PEDS1: variants seen among roughly 807,000 people sequenced by gnomAD.
PEDS1 encodes CarF homolog.
Under a neutral mutation model 35.2 loss-of-function variants are expected in PEDS1, and 14 were observed. The ratio of observed to expected loss-of-function variants is 0.40; its 90% confidence interval spans 0.26 to 0.62. PEDS1 has a LOEUF of 0.62. PEDS1 is among the 20% of genes least tolerant of loss of function. The pLI is 0.44. For synonymous variants in PEDS1, 152 were observed against 152.0 expected (o/e 1.00, Z 0.00); for missense variants, 260 against 367.8 (o/e 0.71, Z 2.40).
In PEDS1 at chr20:50,125,014, G is replaced by C; in HGVS notation, c.*44C>G. 6.2e-7 allele frequency: 1 copy of C among 1,606,176 alleles called. No individual in the cohort carries two copies. On this transcript the variant is annotated 3_prime_UTR_variant, in exon 6 of 6. Transcript: ENST00000371652. ...GGAATTTGGCAGATGGCTTCGGTTT[G>C]GGGGCTAGGGAAGGTTGGCAACCAG... is the stretch of plus-strand genomic sequence containing the variant.
chr20:50,132,099 G>C (rs992902444), intron 2 of PEDS1, among the ~76,000 whole-genome samples: 3 of 152,104 alleles, frequency 2.0e-5, no homozygotes, highest in Non-Finnish European at 4.4e-5. Context: ...AGCTACTCAG[G>C]AGGCTGAAGC....
In PEDS1 at chr20:50,128,251, T is replaced by C. The variant is rs1415203335; in HGVS notation, c.479-64A>G. The C allele has an allele frequency of 1.3e-6, 2 of 1,590,670 alleles. No homozygotes were observed. Among genetic ancestry groups the C allele is most frequent in the Admixed American group, 3.4e-5 (2 of 58,440 alleles). ...CTCGGGACGGGGAACCCACCCCAAA[T>C]GGCCCTCACCACCTGCTCCTGGGCG... On this transcript the variant is annotated intron_variant, in intron 4 of 5. Coordinates refer to ENST00000371652, the MANE Select transcript of PEDS1 (RefSeq NM_199129.4). The surrounding 1 kb of genome is among the most constrained non-coding windows in gnomAD (Gnocchi z 5.2).
chr20:50,122,635 G>T lies in PEDS1; in HGVS notation c.*2423C>A, dbSNP rs2081060849. The stretch of plus-strand genomic sequence containing the variant: ...CTGTGACTGCTCTGGAGTCCTTTAG[G>T]CATTTCCCTGTCCCCAACAGGCTTT... On this transcript the variant is annotated 3_prime_UTR_variant, in exon 6 of 6. Transcript: ENST00000371652. The T allele has an allele frequency of 6.6e-6, 1 of 152,124 alleles. No individual in the cohort carries two copies. The highest frequency in any genetic ancestry group is 2.1e-4 in the South Asian group (1 of 4,824). 9.4% of individuals were successfully genotyped at this position (152,124 alleles called of 1,614,324 possible). A position where few individuals can be genotyped will look rare whatever the true frequency, so the allele number is the denominator to read the frequency against.
At chr20:50,130,284 G>A (rs184846582) in intron 3 of PEDS1, among the ~76,000 whole-genome samples, 1 of 152,198 alleles carries the variant, frequency 6.6e-6, no homozygotes, top group Non-Finnish European at 1.5e-5. Flanking sequence ...CTCCTGGAAG[G>A]AGAAGGACAG....
rs955042425 is a variant in PEDS1 at position 50,121,138 on chromosome 20, G to C, written c.*3920C>G. Reference sequence around the variant, plus strand: ...ACAGTACGTTTTAAACACGGAGCCAGCATTTTTAAAGTTTAGATTTCTGGC... The same window carrying C: ...ACAGTACGTTTTAAACACGGAGCCACCATTTTTAAAGTTTAGATTTCTGGC... On this transcript the variant is annotated 3_prime_UTR_variant, in exon 6 of 6. Transcript: ENST00000371652. 1.3e-5 allele frequency: 2 copies of C among 152,286 alleles called. No homozygotes were observed. Among genetic ancestry groups the C allele is most frequent in the African/African-American group, 4.8e-5 (2 of 41,462 alleles). 9.4% of individuals were successfully genotyped at this position (152,286 alleles called of 1,614,324 possible).
In PEDS1 at chr20:50,125,544, T is replaced by TTATCTATC. The variant is rs57011944; in HGVS notation, c.692-373_692-366dup. ...CACCCCAGGTTTCTCACATTACCCTTTATCTATCTATCTATCTATCTATCT... is the reference window on the plus strand; with the variant it reads ...CACCCCAGGTTTCTCACATTACCCTTTATCTATCTATCTATCTATCTATCTATCTATCT... On this transcript the variant is annotated intron_variant, in intron 5 of 5. Transcript: ENST00000371652. Among the ~76,000 whole-genome samples the TTATCTATC allele has an allele frequency of 5.9e-3, 869 of 147,484 alleles. 3 individuals are homozygous for TTATCTATC. Among genetic ancestry groups the TTATCTATC allele is most frequent in the South Asian group, 7.1e-3 (32 of 4,496 alleles).
At chr20:50,130,821 C>G in intron 3 of PEDS1, 35 bp downstream of exon 3, 5 of 1,613,056 alleles carry the variant, frequency 3.1e-6, no homozygotes, top group Non-Finnish European at 4.2e-6. Flanking sequence ...AGCCCAACCT[C>G]CTTCTTGAGG....
chr20:50,153,280 G>A (rs778191681), intron 1 of PEDS1, among the ~76,000 whole-genome samples: 10 of 152,096 alleles, frequency 6.6e-5, no homozygotes, highest in Non-Finnish European at 1.3e-4. Context: ...CGCCCAGGGA[G>A]CTCATGGTAA....
In PEDS1 at chr20:50,124,149, C is replaced by T. The variant is rs554365738; in HGVS notation, c.*909G>A. On this transcript the variant is annotated 3_prime_UTR_variant, in exon 6 of 6. Transcript: ENST00000371652. ...CCCCCCACCCCACCCAGCCAGGAAA[C>T]ACCACGAGGCAGCCAAGGTTAAGTA... The T allele has an allele frequency of 1.3e-5, 2 of 152,766 alleles. No homozygotes were observed. The highest frequency in any genetic ancestry group is 4.1e-4 in the South Asian group (2 of 4,830). The allele number at this position is 152,766 out of a possible 1,614,324, so 9.5% of individuals were successfully genotyped here.
At chr20:50,138,661 C>A (rs116729453) in intron 2 of PEDS1, among the ~76,000 whole-genome samples, 2,681 of 152,330 alleles carry the variant, frequency 0.018, 71 homozygotes, top group African/African-American at 0.055. Flanking sequence ...CGTGATCTTG[C>A]GGCCTCTGCC....
chr20:50,124,917 G>C lies in PEDS1; in HGVS notation c.*141C>G. 1 of 1,109,974 alleles carries C rather than the reference G, an allele frequency of 9.0e-7. No individual in the cohort carries two copies. Among genetic ancestry groups the C allele is most frequent in the East Asian group, 2.4e-5 (1 of 41,756 alleles). The allele number at this position is 1,109,974 out of a possible 1,614,324, so 68.8% of individuals were successfully genotyped here. A position where few individuals can be genotyped will look rare whatever the true frequency, so the allele number is the denominator to read the frequency against. On this transcript the variant is annotated 3_prime_UTR_variant, in exon 6 of 6. Coordinates refer to ENST00000371652, the MANE Select transcript of PEDS1 (RefSeq NM_199129.4). Reference sequence around the variant, plus strand: ...TGGCTCAAGTATTCTGTGTCATGAGGGGTGGGCTGGGGTACCTGGGCCCAG... The same window carrying C: ...TGGCTCAAGTATTCTGTGTCATGAGCGGTGGGCTGGGGTACCTGGGCCCAG...
Position 50,121,855 on chromosome 20 carries a change from G to A in PEDS1, c.*3203C>T, listed in dbSNP as rs543190353. 1.3e-5 allele frequency: 2 copies of A among 152,280 alleles called. No homozygotes were observed. The highest frequency in any genetic ancestry group is 4.8e-5 in the African/African-American group (2 of 41,526). 9.4% of individuals were successfully genotyped at this position (152,280 alleles called of 1,614,324 possible). A position where few individuals can be genotyped will look rare whatever the true frequency, so the allele number is the denominator to read the frequency against. ...GGGGCCTGGAAACCAACACCACAGTGGTGAGGCTACTCCTATGGCCTCTAA... is the reference window on the plus strand; with the variant it reads ...GGGGCCTGGAAACCAACACCACAGTAGTGAGGCTACTCCTATGGCCTCTAA... On this transcript the variant is annotated 3_prime_UTR_variant, in exon 6 of 6. Transcript: ENST00000371652.
Position 50,153,699 on chromosome 20 carries a change from C to T in PEDS1, c.-62G>A, listed in dbSNP as rs928939577. On this transcript the variant is annotated 5_prime_UTR_variant, in exon 1 of 6. Transcript: ENST00000371652. ...CGGCGGCGGCGGCAGGGCCGCGGAA[C>T]CGCGGCGAGATCACGCCGCCCAATG... The T allele has an allele frequency of 3.8e-5, 45 of 1,177,286 alleles. No homozygotes were observed. Among genetic ancestry groups the T allele is most frequent in the East Asian group, 3.3e-4 (9 of 27,034 alleles). 72.9% of individuals were successfully genotyped at this position (1,177,286 alleles called of 1,614,324 possible). A position where few individuals can be genotyped will look rare whatever the true frequency, so the allele number is the denominator to read the frequency against.
intron 5 of PEDS1, among the ~76,000 whole-genome samples, chr20:50,125,582 A>ATCTATCTG (rs2081093302): frequency 7.5e-6 from 1 of 134,106 alleles, no homozygotes; most frequent in Admixed American, 7.5e-5. Flanking sequence ...CTATCTATCT[A>ATCTATCTG]TCTATCTATC....
chr20:50,142,830 C>T (rs2081307674), intron 2 of PEDS1, among the ~76,000 whole-genome samples: 1 of 151,868 alleles, frequency 6.6e-6, no homozygotes, highest in Non-Finnish European at 1.5e-5. Context: ...CTGGAGTGAG[C>T]CATGTAGGTG....
In PEDS1 at chr20:50,121,486, A is replaced by C. The variant is rs2081050510; in HGVS notation, c.*3572T>G. On this transcript the variant is annotated 3_prime_UTR_variant, in exon 6 of 6. Coordinates refer to ENST00000371652, the MANE Select transcript of PEDS1 (RefSeq NM_199129.4). ...GTACTCACTTCTCAGAGCTGCAGGG[A>C]CTGCTTGACAGGACCCATGCCAGAG... 1 of 152,238 alleles carries C rather than the reference A, an allele frequency of 6.6e-6. No homozygotes were observed. The highest frequency in any genetic ancestry group is 2.1e-4 in the South Asian group (1 of 4,830). The allele number at this position is 152,238 out of a possible 1,614,324, so 9.4% of individuals were successfully genotyped here.
chr20:50,134,724 C>G, intron 2 of PEDS1, among the ~76,000 whole-genome samples: 1 of 152,176 alleles, frequency 6.6e-6, no homozygotes, highest in East Asian at 1.9e-4. Flanking sequence ...TAAACCTTGG[C>G]TCATTTTATG....
chr20:50,120,333 G>T lies in PEDS1; in HGVS notation c.*4725C>A. 5.3e-6 allele frequency: 1 copy of T among 187,276 alleles called. No homozygotes were observed. The highest frequency in any genetic ancestry group is 1.1e-5 in the Non-Finnish European group (1 of 89,004). The allele number at this position is 187,276 out of a possible 1,614,324, so 11.6% of individuals were successfully genotyped here. ...GCTTCTGAGCTATAGAAAAGCAAGT[G>T]GCTGGATTTGGCCCACTGTCCAGGG... On this transcript the variant is annotated 3_prime_UTR_variant, in exon 6 of 6. Coordinates refer to ENST00000371652, the MANE Select transcript of PEDS1 (RefSeq NM_199129.4).
chr20:50,147,002 C>T (rs920938378), intron 1 of PEDS1, among the ~76,000 whole-genome samples: 10 of 152,152 alleles, frequency 6.6e-5, no homozygotes, highest in African/African-American at 1.9e-4. Flanking sequence ...GGTGGGAGGA[C>T]ACGGAGAGGC....
Sources: allele counts gnomAD v4.1 joint callset (sites outside exome capture counted in the v4.1 genomes callset), GRCh38; gene constraint gnomAD v4.1.1; non-coding constraint Gnocchi (gnomAD v3.1); transcripts MANE v1.5; gene names NCBI Gene and HGNC (gene_info 2026-07-23, HGNC 2026-07-21).